Variants in LRRTM3 observed in about 807,000 individuals in gnomAD.
LRRTM3 encodes the protein leucine rich repeat transmembrane neuronal 3.
In LRRTM3, 24 loss-of-function variants were observed where a neutral mutation model predicts 44.7. That is an observed-to-expected ratio of 0.54 (90% CI 0.39 to 0.76). The LOEUF (loss-of-function observed/expected upper bound fraction) is 0.76. Among genes scored for constraint, LRRTM3 ranks in the 30% least tolerant of loss-of-function variants. The pLI, the probability that LRRTM3 is intolerant of heterozygous loss-of-function variation, is 0.00. For synonymous variants in LRRTM3, 277 were observed against 278.7 expected (o/e 0.99, Z 0.06); for missense variants, 587 against 702.2 (o/e 0.84, Z 1.85).
chr10:66,967,923 G>A (rs770736744), intron 2 of LRRTM3, among the ~76,000 whole-genome samples: 2 of 152,106 alleles, frequency 1.3e-5, no homozygotes, highest in African/African-American at 2.4e-5. Context: ...CTATGATTCA[G>A]TGTGTTTCAA....
At chr10:66,944,671 T>C (rs185679305) in intron 2 of LRRTM3, among the ~76,000 whole-genome samples, 1 of 152,258 alleles carries the variant, frequency 6.6e-6, no homozygotes, top group Admixed American at 6.5e-5. Context: ...TTTGCCCAGA[T>C]CCATCAAAGG....
chr10:67,029,917 G>C (rs1306486062), intron 2 of LRRTM3, among the ~76,000 whole-genome samples: 1 of 152,194 alleles, frequency 6.6e-6, no homozygotes, highest in East Asian at 1.9e-4. Flanking sequence ...ATATAGAACA[G>C]CCCCATGGCT....
intron 2 of LRRTM3, among the ~76,000 whole-genome samples, chr10:67,048,548 T>C (rs1854888662): frequency 6.6e-6 from 1 of 152,000 alleles, no homozygotes; most frequent in Non-Finnish European, 1.5e-5. Flanking sequence ...GGGAAAAATA[T>C]CAAAATACCT....
chr10:66,990,952 T>C (rs985055183), intron 2 of LRRTM3, among the ~76,000 whole-genome samples: 2 of 152,174 alleles, frequency 1.3e-5, no homozygotes, highest in Admixed American at 1.3e-4. Flanking sequence ...CCTATGAACA[T>C]TTAACAGTTT....
chr10:67,000,551 A>AC lies in LRRTM3; in HGVS notation c.1536+72101dup, dbSNP rs1392900007. Reference sequence around the variant, plus strand: ...AAAATTACAACAAGCTAAAAATTACACCAATCACCTCCTCCAACCTCTGTA... The same window carrying AC: ...AAAATTACAACAAGCTAAAAATTACACCCAATCACCTCCTCCAACCTCTGTA... On this transcript the variant is annotated intron_variant, in intron 2 of 2. Coordinates refer to ENST00000361320, the MANE Select transcript of LRRTM3 (RefSeq NM_178011.5). Among the ~76,000 whole-genome samples, 5 of 152,256 alleles carry AC rather than the reference A, an allele frequency of 3.3e-5. 1 individual carries two copies. Among genetic ancestry groups the AC allele is most frequent in the African/African-American group, 1.2e-4 (5 of 41,556 alleles).
At chr10:66,984,322 A>T (rs1850609848) in intron 2 of LRRTM3, among the ~76,000 whole-genome samples, 1 of 152,200 alleles carries the variant, frequency 6.6e-6, no homozygotes, top group Non-Finnish European at 1.5e-5. Context: ...AATACCAAAC[A>T]TTATTCTTAG....
At chr10:66,951,649 CT>C (rs869078244) in intron 2 of LRRTM3, among the ~76,000 whole-genome samples, 2 of 142,648 alleles carry the variant, frequency 1.4e-5, no homozygotes, top group African/African-American at 5.3e-5. Flanking sequence ...CTTAACCACA[CT>C]ATTGGCTTTT....
At chr10:67,027,436 CTTT>C (rs5785811) in intron 2 of LRRTM3, among the ~76,000 whole-genome samples, 3 of 134,352 alleles carry the variant, frequency 2.2e-5, no homozygotes, top group Admixed American at 7.7e-5. Flanking sequence ...TCTTTCATGA[CTTT>C]TTTTTTTTTT....
intron 2 of LRRTM3, among the ~76,000 whole-genome samples, chr10:67,083,084 A>T (rs1266999251): frequency 3.3e-5 from 5 of 152,168 alleles, no homozygotes; most frequent in Non-Finnish European, 5.9e-5. Flanking sequence ...TCAGGGGACC[A>T]GTGAGCATCC....
intron 2 of LRRTM3, among the ~76,000 whole-genome samples, chr10:66,955,017 C>T (rs936365253): frequency 6.6e-6 from 1 of 152,142 alleles, no homozygotes; most frequent in Admixed American, 6.6e-5. Context: ...AACATTGGAG[C>T]ACATTAACAT....
intron 1 of LRRTM3, 141 bp downstream of exon 1, chr10:66,926,728 G>A (rs1373463329): frequency 3.7e-6 from 4 of 1,087,444 alleles, no homozygotes; most frequent in African/African-American, 3.2e-5. Context: ...TTAGTGGCAT[G>A]TTTCCTTGTT....
chr10:66,927,320 T>G lies in LRRTM3; in HGVS notation c.404T>G (p.Leu135Ter). The change falls in exon 2 of 3, where the codon TTA (leucine) becomes TGA (stop). Residue 135 changes from leucine (L) to a stop codon, truncating the protein, a stop_gained. Coordinates refer to ENST00000361320, the MANE Select transcript of LRRTM3 (RefSeq NM_178011.5). LOFTEE classifies it high-confidence loss of function. This position sits in a 1 kb window ranked among gnomAD's most constrained non-coding sequence, Gnocchi z 4.7. The stretch of plus-strand genomic sequence containing the variant: ...AATACCTTCAGACCTGTGACAAATT[T>G]ACGGAACTTGGATCTGTCCTATAAT... Reference protein sequence around the residue: ...LNNTFRPVTNLRNLDLSYNQL... With the variant: ...LNNTFRPVTN The G allele has an allele frequency of 6.2e-7, 1 of 1,614,164 alleles. No homozygotes were observed. Among genetic ancestry groups the G allele is most frequent in the Non-Finnish European group, 8.5e-7 (1 of 1,180,030 alleles).
intron 2 of LRRTM3, among the ~76,000 whole-genome samples, chr10:66,941,286 A>G (rs1847979606): frequency 6.6e-6 from 1 of 152,228 alleles, no homozygotes; most frequent in East Asian, 1.9e-4. Flanking sequence ...CCTGAACACA[A>G]TTTGACTCAC....
rs560030390 is a variant in LRRTM3, at chr10:66,928,469, T to TA, written c.1536+22dup. 4.5e-6 allele frequency: 7 copies of TA among 1,565,496 alleles called. No individual in the cohort carries two copies. The South Asian group carries it at 4.8e-5, about 11-fold the overall frequency. ...GAGTGTGAGGTATGAACCATTGTGA[T>TA]AAAAAGAGCTCTTAAAAGCTGGGAA... is the stretch of plus-strand genomic sequence containing the variant. On this transcript the variant is annotated intron_variant, in intron 2 of 2. Coordinates refer to ENST00000361320, the MANE Select transcript of LRRTM3 (RefSeq NM_178011.5).
chr10:66,952,614 T>G (rs2132727370), intron 2 of LRRTM3, among the ~76,000 whole-genome samples: 1 of 152,162 alleles, frequency 6.6e-6, no homozygotes, highest in South Asian at 2.1e-4. Flanking sequence ...AATGGGCCAT[T>G]ATAGAAGGTA....
intron 2 of LRRTM3, among the ~76,000 whole-genome samples, chr10:67,059,464 A>G (rs1855631711): frequency 1.3e-5 from 2 of 152,212 alleles, no homozygotes; most frequent in Non-Finnish European, 2.9e-5. Flanking sequence ...GAGACACTCG[A>G]TGGCAAGAAT....
intron 2 of LRRTM3, among the ~76,000 whole-genome samples, chr10:66,933,832 C>T (rs1278528174): frequency 6.6e-6 from 1 of 152,176 alleles, no homozygotes; most frequent in Non-Finnish European, 1.5e-5. Context: ...GATGTAGCTG[C>T]TCTTACCAAT....
intron 2 of LRRTM3, among the ~76,000 whole-genome samples, chr10:66,985,293 T>A (rs187192040): frequency 6.6e-6 from 1 of 152,308 alleles, no homozygotes; most frequent in Non-Finnish European, 1.5e-5. Context: ...ATAGCACATA[T>A]AATGCAGAAT....
At position 66,951,485 on chromosome 10, in the gene LRRTM3, A is replaced by G. The variant is rs115436024; in HGVS notation, c.1536+23033A>G. ...AATAATGTGTCCCCTAACGTATTTA[A>G]TTCTTACGACAAATCTATGAGATAG... On this transcript the variant is annotated intron_variant, in intron 2 of 2. Coordinates refer to ENST00000361320, the MANE Select transcript of LRRTM3 (RefSeq NM_178011.5). Among the ~76,000 whole-genome samples, 145 of 152,314 alleles carry G rather than the reference A, an allele frequency of 9.5e-4. 1 individual carries two copies. Among genetic ancestry groups the G allele is most frequent in the African/African-American group, 3.1e-3 (129 of 41,570 alleles).
Sources: allele counts gnomAD v4.1 joint callset (sites outside exome capture counted in the v4.1 genomes callset), GRCh38; gene constraint gnomAD v4.1.1; non-coding constraint Gnocchi (gnomAD v3.1); transcripts MANE v1.5; gene names NCBI Gene and HGNC (gene_info 2026-07-23, HGNC 2026-07-21).